Variants in ALK observed in about 807,000 individuals in gnomAD.
ALK encodes ALK receptor tyrosine kinase.
In ALK, 74 loss-of-function variants were observed where a neutral mutation model predicts 163.1. The observed-to-expected ratio is 0.45, with a 90% CI of 0.38 to 0.55. The LOEUF is 0.55. Ranked by LOEUF, ALK falls within the 20% of genes least tolerant of loss-of-function variation. The probability of loss-of-function intolerance (pLI) is 0.00; values close to 1 mark genes in which losing one functional copy is unlikely to be tolerated. For missense variants in ALK, 2,063 were observed against 2,105.3 expected, an observed-to-expected ratio of 0.98 and a Z score of 0.39; for synonymous variants, 960 against 843.2, an observed-to-expected ratio of 1.14 and a Z score of -2.40.
rs143548606 is a variant in ALK at position 29,253,699 on chromosome 2, T to A, written c.2042-2432A>T. On this transcript the variant is annotated intron_variant, in intron 11 of 28. Coordinates refer to ENST00000389048, the MANE Select transcript of ALK (RefSeq NM_004304.5). ...AATCCACTCCTCTCCTTATCTATAG[T>A]TCCTTGAAACCTGTTCTGCAGACCC... is the stretch of plus-strand genomic sequence containing the variant. Among the ~76,000 whole-genome samples, 95 of 152,264 alleles carry A rather than the reference T, an allele frequency of 6.2e-4. No individual in the cohort carries two copies. In the Middle Eastern group the frequency reaches 0.014, roughly 22 times the overall value.
intron 1 of ALK, among the ~76,000 whole-genome samples, chr2:29,733,008 C>A (rs1679788419): frequency 1.3e-5 from 2 of 151,656 alleles, no homozygotes; most frequent in African/African-American, 2.4e-5. Flanking sequence ...AATATAAGAC[C>A]AACAGAGAGA....
rs1258283302 is a variant in ALK, at chr2:29,296,969, C to T, written c.1736G>A (p.Arg579Lys). 1.9e-6 allele frequency: 3 copies of T among 1,614,102 alleles called. No homozygotes were observed. The African/African-American group carries it at 4.0e-5, about 22-fold the overall frequency. Residue 579 changes from arginine to lysine, a missense_variant, in exon 9 of 29, where the codon AGG becomes AAG. This residue lies in a region of ALK where 987 missense variants were observed against 939.5 expected (regional missense o/e 1.05). Coordinates refer to ENST00000389048, the MANE Select transcript of ALK (RefSeq NM_004304.5). The part of the protein sequence containing the change: ...VENKTGKEQG[R>K]MVWHVAAYEG... ...ATAGGCGGCGACATGCCAGACCATC[C>T]TGCCTTGCTCCTTCCCGGTTTTGTT...
chr2:29,472,957 T>A (rs1671407361), intron 4 of ALK, among the ~76,000 whole-genome samples: 1 of 152,206 alleles, frequency 6.6e-6, no homozygotes, highest in Non-Finnish European at 1.5e-5. Context: ...TTAAACTTAA[T>A]CCCAATCAAA....
intron 1 of ALK, among the ~76,000 whole-genome samples, chr2:29,916,899 A>G (rs1030437617): frequency 6.6e-6 from 1 of 152,192 alleles, no homozygotes; most frequent in African/African-American, 2.4e-5. Context: ...CCATTAATAC[A>G]GTCCCAGAAA....
At chr2:29,755,513 G>A (rs6734066) in intron 1 of ALK, among the ~76,000 whole-genome samples, 8,435 of 152,242 alleles carry the variant, frequency 0.055, 727 homozygotes, top group African/African-American at 0.18. Context: ...GATGGAAAAC[G>A]TTAGCTTCAA....
intron 5 of ALK, among the ~76,000 whole-genome samples, chr2:29,330,143 C>A (rs1184921852): frequency 6.6e-6 from 1 of 152,200 alleles, no homozygotes; most frequent in Non-Finnish European, 1.5e-5. Context: ...ACAGATCCCA[C>A]CTCCTTCCAG....
In ALK at chr2:29,376,233, A is replaced by C. The variant is rs117890810; in HGVS notation, c.1282+7499T>G. 8.8e-3 allele frequency among the ~76,000 whole-genome samples: 1,340 copies of C among 152,336 alleles called. 47 individuals are homozygous for C. The highest frequency in any genetic ancestry group is 0.065 in the Admixed American group (997 of 15,294). On this transcript the variant is annotated intron_variant, in intron 5 of 28. Transcript: ENST00000389048. ...AGCTCTCCTGACCAAAATTGGCCAG[A>C]AGCCCCTCTCAGGTTTATTTTCTCT...
At chr2:29,551,492 T>C (rs542737390) in intron 3 of ALK, among the ~76,000 whole-genome samples, 1 of 152,202 alleles carries the variant, frequency 6.6e-6, no homozygotes, top group Admixed American at 6.5e-5. Context: ...AAGAAACAAA[T>C]TTAGAGGGTT....
intron 3 of ALK, among the ~76,000 whole-genome samples, chr2:29,546,844 C>T (rs1315235337): frequency 6.6e-6 from 1 of 152,140 alleles, no homozygotes; most frequent in East Asian, 1.9e-4. Context: ...AAAATCTCAA[C>T]CTTATTATAA....
intron 1 of ALK, among the ~76,000 whole-genome samples, chr2:29,864,740 G>T (rs542040531): frequency 1.3e-5 from 2 of 152,328 alleles, no homozygotes; most frequent in African/African-American, 4.8e-5. Flanking sequence ...GGGAGAAAAA[G>T]ATCACTCCAC....
intron 4 of ALK, among the ~76,000 whole-genome samples, chr2:29,491,887 G>A (rs1486494829): frequency 6.6e-6 from 1 of 152,128 alleles, no homozygotes; most frequent in African/African-American, 2.4e-5. Context: ...TTTTTCTCAG[G>A]CACTTTTCAC....
chr2:29,288,951 C>CAAAAAAAA (rs770578645), intron 9 of ALK, among the ~76,000 whole-genome samples: 751 of 23,988 alleles, frequency 0.031, 41 homozygotes, highest in African/African-American at 0.042. Flanking sequence ...GACTCCTTCT[C>CAAAAAAAA]AAAAAAATAA....
chr2:29,629,582 A>G (rs1209609313), intron 3 of ALK, among the ~76,000 whole-genome samples: 1 of 152,242 alleles, frequency 6.6e-6, no homozygotes, highest in East Asian at 1.9e-4. Context: ...CACCTAGCAC[A>G]GATTCTAAGA....
In ALK at chr2:29,207,283, G is replaced by C. The variant is rs2148152308; in HGVS notation, c.3837-11C>G. ...CTATAGTAGCTCGCCCTGTGGGGAA[G>C]GAGAGGAAAACCAAACTAGGATCTG... On this transcript the variant is annotated splice_polypyrimidine_tract_variant and intron_variant, in intron 25 of 28. Coordinates refer to ENST00000389048, the MANE Select transcript of ALK (RefSeq NM_004304.5). 1.2e-6 allele frequency: 2 copies of C among 1,612,154 alleles called. No homozygotes were observed. Among genetic ancestry groups the C allele is most frequent in the Middle Eastern group, 1.7e-4 (1 of 6,058 alleles).
intron 1 of ALK, among the ~76,000 whole-genome samples, chr2:29,830,426 G>C (rs1204385457): frequency 6.6e-6 from 1 of 152,112 alleles, no homozygotes; most frequent in Non-Finnish European, 1.5e-5. Context: ...ACCCTACTGA[G>C]AAAGTAGATA....
chr2:29,521,914 C>T (rs1223649587), intron 4 of ALK, among the ~76,000 whole-genome samples: 2 of 152,198 alleles, frequency 1.3e-5, no homozygotes, highest in Admixed American at 6.5e-5. Flanking sequence ...CTATGACCTT[C>T]GGCAGTGCCA....
chr2:29,919,954 A>T (rs1667942817), intron 1 of ALK, 39 bp downstream of exon 1: 1 of 1,606,370 alleles, frequency 6.2e-7, no homozygotes. Context: ...TGTGACTAAA[A>T]ACACTAAATC....
intron 5 of ALK, among the ~76,000 whole-genome samples, chr2:29,339,059 A>G (rs1667712247): frequency 6.6e-6 from 1 of 152,154 alleles, no homozygotes; most frequent in African/African-American, 2.4e-5. Context: ...CCTGGCCAAC[A>G]TGGCGAAACC....
intron 1 of ALK, among the ~76,000 whole-genome samples, chr2:29,891,435 G>C (rs1290728563): frequency 2.0e-5 from 3 of 152,102 alleles, no homozygotes; most frequent in African/African-American, 7.2e-5. Context: ...GCACAATGTT[G>C]ACATAACACT....
Sources: gnomAD v4.1 joint callset for allele counts (sites outside exome capture counted in the v4.1 genomes callset) on GRCh38, gnomAD v4.1.1 for gene constraint, gnomAD v4.1.1 regional missense constraint, MANE v1.5 for transcripts, NCBI Gene and HGNC (gene_info 2026-07-23, HGNC 2026-07-21) for gene names.